GRB10: variants seen among roughly 807,000 people sequenced by gnomAD.
GRB10 encodes the protein growth factor receptor bound protein 10.
A neutral mutation model predicts 80.9 loss-of-function variants in GRB10; 20 were observed. The ratio of observed to expected loss-of-function variants is 0.25; its 90% CI spans 0.17 to 0.36. The LOEUF is 0.36. Ranked by LOEUF, GRB10 falls within the 10% of genes least tolerant of loss-of-function variation. The pLI is 1.00. For synonymous variants in GRB10, 291 were observed against 291.5 expected, an observed-to-expected ratio of 1.00 and a Z score of 0.02; for missense variants, 548 against 747.7, an observed-to-expected ratio of 0.73 and a Z score of 3.12.
intron 7 of GRB10, among the ~76,000 whole-genome samples, chr7:50,635,938 C>T (rs1296412566): frequency 4.3e-5 from 4 of 93,520 alleles, no homozygotes; most frequent in Admixed American, 1.3e-4. Context: ...GATGGATCCA[C>T]AGCTTTTTTT....
At chr7:50,773,568 A>G (rs1006259903) in intron 2 of GRB10, among the ~76,000 whole-genome samples, 1 of 151,968 alleles carries the variant, frequency 6.6e-6, no homozygotes, top group Non-Finnish European at 1.5e-5. Context: ...AAGAATGTGG[A>G]GAAACTGAAA....
At chr7:50,615,727 G>A (rs780632790) in intron 11 of GRB10, among the ~76,000 whole-genome samples, 19 of 152,212 alleles carry the variant, frequency 1.2e-4, no homozygotes, top group African/African-American at 2.4e-4. Context: ...AGGAGCCTCC[G>A]GCCTAAGCTC....
At chr7:50,609,254 G>A (rs552242910) in intron 13 of GRB10, among the ~76,000 whole-genome samples, 135 of 152,150 alleles carry the variant, frequency 8.9e-4, no homozygotes, top group African/African-American at 2.9e-3. Context: ...GATTATAAGA[G>A]ATATTCCTTA....
At chr7:50,788,073 T>C (rs1262307997) in intron 1 of GRB10, among the ~76,000 whole-genome samples, 1 of 152,220 alleles carries the variant, frequency 6.6e-6, no homozygotes, top group Non-Finnish European at 1.5e-5. Context: ...GAAGCTGTGG[T>C]ACAAACTTCT....
intron 4 of GRB10, among the ~76,000 whole-genome samples, chr7:50,716,304 T>C (rs890244445): frequency 2.0e-5 from 3 of 152,190 alleles, no homozygotes; most frequent in African/African-American, 7.2e-5. Context: ...ACAAAGCTTA[T>C]AAGCCAGCCT....
chr7:50,680,749 T>C (rs182638747), intron 5 of GRB10, among the ~76,000 whole-genome samples: 1 of 152,344 alleles, frequency 6.6e-6, no homozygotes, highest in African/African-American at 2.4e-5. Flanking sequence ...TACACTCACT[T>C]GTTCCTGATT....
In GRB10 at chr7:50,752,705, C is replaced by T. The variant is rs191139213; in HGVS notation, c.-47+3182G>A. On this transcript the variant is annotated intron_variant, in intron 3 of 18. Transcript: ENST00000401949. ...AAGAGCTGTACCATCGCAGCTGGGC[C>T]GGTCTCCACAGGCCAAGAGCAGGAG... Among the ~76,000 whole-genome samples the T allele has an allele frequency of 1.6e-4, 25 of 152,276 alleles. No individual in the cohort carries two copies. In the East Asian group the frequency reaches 4.3e-3, roughly 26 times the overall value.
intron 7 of GRB10, among the ~76,000 whole-genome samples, chr7:50,666,070 T>A (rs759190112): frequency 4.6e-5 from 7 of 152,202 alleles, no homozygotes; most frequent in Non-Finnish European, 4.4e-5. Context: ...CTGCATGCTC[T>A]GGGATCCCCA....
rs567730066 is a variant in GRB10, at chr7:50,658,197, T to C, written c.504+11525A>G. Among the ~76,000 whole-genome samples the C allele has an allele frequency of 6.6e-5, 10 of 152,334 alleles. No homozygotes were observed. In the East Asian group the frequency reaches 1.9e-3, roughly 29 times the overall value. ...CTCACAGGTATAAATAAAGCGCCAA[T>C]GTCCACGTTCAGTGAGTGTAACAGG... On this transcript the variant is annotated intron_variant, in intron 7 of 18. Coordinates refer to ENST00000401949, the MANE Select transcript of GRB10 (RefSeq NM_001350814.2).
intron 17 of GRB10, among the ~76,000 whole-genome samples, chr7:50,596,756 A>G (rs2046728650): frequency 6.6e-6 from 1 of 152,258 alleles, no homozygotes; most frequent in African/African-American, 2.4e-5. Context: ...CAAATGTGCC[A>G]TAATCTTAAT....
intron 7 of GRB10, 23 bp downstream of exon 7, chr7:50,669,699 G>A: frequency 6.2e-7 from 1 of 1,609,356 alleles, no homozygotes; most frequent in Non-Finnish European, 8.5e-7. Flanking sequence ...CTCAGCCTGG[G>A]CTCCAGCCAG....
chr7:50,770,867 C>T (rs969739386), intron 2 of GRB10, among the ~76,000 whole-genome samples: 1 of 152,054 alleles, frequency 6.6e-6, no homozygotes, highest in Non-Finnish European at 1.5e-5. Flanking sequence ...TTTTAAATGC[C>T]TGTCAATTCC....
chr7:50,681,735 A>C (rs1482777649), intron 5 of GRB10, among the ~76,000 whole-genome samples: 1 of 152,214 alleles, frequency 6.6e-6, no homozygotes, highest in Non-Finnish European at 1.5e-5. Flanking sequence ...TGCAAAAGTA[A>C]ACATTTGACA....
intron 4 of GRB10, among the ~76,000 whole-genome samples, chr7:50,706,729 G>A (rs76067545): frequency 0.029 from 4,362 of 152,298 alleles, 208 homozygotes; most frequent in African/African-American, 0.1. Flanking sequence ...ACTAGATCCT[G>A]AGGGCACAAG....
intron 15 of GRB10, 126 bp downstream of exon 15, chr7:50,605,164 C>CACAGAGG: frequency 4.2e-6 from 1 of 237,820 alleles, no homozygotes; most frequent in Admixed American, 8.7e-5. Flanking sequence ...CAGCTGAGAA[C>CACAGAGG]TCACCCCACC....
upstream of GRB10, among the ~76,000 whole-genome samples, chr7:50,783,959 G>A (rs1276464558): frequency 6.6e-6 from 1 of 152,132 alleles, no homozygotes; most frequent in Non-Finnish European, 1.5e-5. Context: ...GTTCCACGGT[G>A]GTCATGACCA....
rs150935833 is a variant in GRB10 at position 50,608,169 on chromosome 7, A to G, written c.1195-1755T>C. Among the ~76,000 whole-genome samples, 152 of 152,360 alleles carry G rather than the reference A, an allele frequency of 1.0e-3. 1 individual carries two copies. Among genetic ancestry groups the G allele is most frequent in the African/African-American group, 3.2e-3 (133 of 41,586 alleles). On this transcript the variant is annotated intron_variant, in intron 13 of 18. Transcript: ENST00000401949. ...GGATAAGTAAGCCCGCTCCGAGCAT[A>G]TATCATGGAAAAATTGCTGAGAAAC...
At chr7:50,597,951 C>T (rs2153562732) in intron 17 of GRB10, among the ~76,000 whole-genome samples, 1 of 152,268 alleles carries the variant, frequency 6.6e-6, no homozygotes, top group South Asian at 2.1e-4. Context: ...GCAACCTCCG[C>T]CTCCTAGGTT....
At chr7:50,615,624 T>G (rs761891189) in intron 11 of GRB10, among the ~76,000 whole-genome samples, 38 of 152,174 alleles carry the variant, frequency 2.5e-4, no homozygotes, top group Admixed American at 2.5e-3. Flanking sequence ...AGATGGTAAG[T>G]GCTCAGCCAG....
Sources: allele counts gnomAD v4.1 joint callset (sites outside exome capture counted in the v4.1 genomes callset), GRCh38; gene constraint gnomAD v4.1.1; transcripts MANE v1.5; gene names NCBI Gene and HGNC (gene_info 2026-07-23, HGNC 2026-07-21).